KIAA1671: variants seen among roughly 807,000 people sequenced by gnomAD.
KIAA1671 encodes KIAA1671.
Under a neutral mutation model 131.2 loss-of-function variants are expected in KIAA1671, and 52 were observed. The ratio of observed to expected loss-of-function variants is 0.40; its 90% confidence interval spans 0.32 to 0.50. The LOEUF is 0.50. KIAA1671 is among the 20% of genes least tolerant of loss of function. The pLI is 0.73. For missense variants in KIAA1671, 2,360 were observed against 2,364.2 expected, an observed-to-expected ratio of 1.00 and a Z score of 0.04; for synonymous variants, 1,003 against 961.6, an observed-to-expected ratio of 1.04 and a Z score of -0.80.
chr22:25,087,463 A>G (rs555113906), intron 6 of KIAA1671, among the ~76,000 whole-genome samples: 1 of 152,088 alleles, frequency 6.6e-6, no homozygotes, highest in South Asian at 2.1e-4. Flanking sequence ...GGGCGCCTAT[A>G]ACCCAGCTAC....
chr22:25,171,862 G>A (rs190853765), intron 7 of KIAA1671, among the ~76,000 whole-genome samples: 1 of 152,282 alleles, frequency 6.6e-6, no homozygotes, highest in Non-Finnish European at 1.5e-5. Flanking sequence ...CTTTTGGGGT[G>A]ATGGAAATTT....
chr22:24,990,803 T>C (rs1019746888), intron 1 of KIAA1671, among the ~76,000 whole-genome samples: 2 of 151,922 alleles, frequency 1.3e-5, no homozygotes, highest in African/African-American at 4.8e-5. Flanking sequence ...TCTTCCCTCC[T>C]CATTTGTAGG....
At chr22:25,068,498 A>G (rs965483862) in intron 6 of KIAA1671, among the ~76,000 whole-genome samples, 9 of 151,418 alleles carry the variant, frequency 5.9e-5, no homozygotes, top group Admixed American at 1.3e-4. Context: ...GTGCAGTGGC[A>G]CGATCTCGGC....
chr22:25,174,606 C>A, intron 8 of KIAA1671, 117 bp downstream of exon 8: 1 of 1,206,322 alleles, frequency 8.3e-7, no homozygotes, highest in Non-Finnish European at 1.1e-6. Flanking sequence ...GTACGGAGGG[C>A]ACTGTCTTTG....
At chr22:25,003,827 T>C (rs1924598636) in intron 1 of KIAA1671, among the ~76,000 whole-genome samples, 1 of 151,608 alleles carries the variant, frequency 6.6e-6, no homozygotes, top group Non-Finnish European at 1.5e-5. Context: ...AAATAGAAAA[T>C]AGGATTTTTT....
rs560012637 is a variant in KIAA1671, at chr22:25,197,260, C to G, written c.*4859C>G. ...TAAAAACAAATGGGGCTTACCAGAC[C>G]TCACAGAGTATTGGACGTCTACAAG... On this transcript the variant is annotated 3_prime_UTR_variant, in exon 13 of 13. Transcript: ENST00000358431. 1.3e-5 allele frequency: 2 copies of G among 152,272 alleles called. No individual in the cohort carries two copies. The highest frequency in any genetic ancestry group is 2.9e-5 in the Non-Finnish European group (2 of 68,032). 9.4% of individuals were successfully genotyped at this position (152,272 alleles called of 1,614,324 possible).
intron 1 of KIAA1671, among the ~76,000 whole-genome samples, chr22:25,000,765 G>C (rs1047150019): frequency 6.6e-6 from 1 of 151,476 alleles, no homozygotes; most frequent in Non-Finnish European, 1.5e-5. Flanking sequence ...GAATCCGCCT[G>C]CCTCGGCCTC....
chr22:25,082,780 C>T (rs940237767), intron 6 of KIAA1671, among the ~76,000 whole-genome samples: 1 of 152,154 alleles, frequency 6.6e-6, no homozygotes, highest in Non-Finnish European at 1.5e-5. Context: ...CTGTAGTGAG[C>T]TATGGTTGTG....
rs557440017 is a variant in KIAA1671, at chr22:24,956,484, C to T, written c.-208+3712C>T. 3.9e-5 allele frequency among the ~76,000 whole-genome samples: 6 copies of T among 152,230 alleles called. No individual in the cohort carries two copies. In the South Asian group the frequency reaches 6.2e-4, roughly 16 times the overall value. On this transcript the variant is annotated intron_variant, in intron 1 of 12. Coordinates refer to ENST00000358431, the MANE Select transcript of KIAA1671 (RefSeq NM_001145206.2). ...GTGAATATTTGGGTTCAGGTTAAGC[C>T]GTAGAGAAGCAACAGAGGAAGGTGG... is the stretch of plus-strand genomic sequence containing the variant.
At chr22:25,029,679 A>C (rs370727731) in intron 3 of KIAA1671, 139 bp downstream of exon 3, 1 of 674,584 alleles carries the variant, frequency 1.5e-6, no homozygotes, top group Non-Finnish European at 2.4e-6. Flanking sequence ...GGCAGTGTCC[A>C]TTTCTCAGAT....
At chr22:25,001,706 G>A (rs1358402676) in intron 1 of KIAA1671, among the ~76,000 whole-genome samples, 1 of 152,046 alleles carries the variant, frequency 6.6e-6, no homozygotes, top group Admixed American at 6.6e-5. Context: ...GCTAACTCAC[G>A]AGTCCCTGGA....
Position 25,093,850 on chromosome 22 carries a change from C to T in KIAA1671, c.4530+44486C>T, listed in dbSNP as rs868138842. ...TCTCTCTCTGTCTGTCTCTCTCTCTCTCTCTCTCTCTCTCTCTCTCTCTCT... is the reference window on the plus strand; with the variant it reads ...TCTCTCTCTGTCTGTCTCTCTCTCTTTCTCTCTCTCTCTCTCTCTCTCTCT... On this transcript the variant is annotated intron_variant, in intron 6 of 12. Coordinates refer to ENST00000358431, the MANE Select transcript of KIAA1671 (RefSeq NM_001145206.2). 1.3e-3 allele frequency among the ~76,000 whole-genome samples: 151 copies of T among 116,822 alleles called. 6 individuals are homozygous for T. The highest frequency in any genetic ancestry group is 4.1e-3 in the Middle Eastern group (1 of 246). 76.6% of individuals were successfully genotyped at this position (116,822 alleles called of 152,430 possible). A position where few individuals can be genotyped will look rare whatever the true frequency, so the allele number is the denominator to read the frequency against.
chr22:25,141,370 C>G (rs1253870894), intron 6 of KIAA1671, among the ~76,000 whole-genome samples: 1 of 151,344 alleles, frequency 6.6e-6, no homozygotes, highest in African/African-American at 2.4e-5. Context: ...GTAGCTGGGA[C>G]TACAGGCGCC....
chr22:25,023,727 A>G, intron 1 of KIAA1671: 1 of 152,268 alleles, frequency 6.6e-6, no homozygotes, highest in Non-Finnish European at 1.5e-5. Context: ...CGGGCGGATC[A>G]CAAAGTCAGG....
At chr22:25,178,149 C>A (rs1475375612) in intron 9 of KIAA1671, among the ~76,000 whole-genome samples, 1 of 152,132 alleles carries the variant, frequency 6.6e-6, no homozygotes, top group East Asian at 1.9e-4. Flanking sequence ...TGCAGTGGTA[C>A]AAAGACAGCC....
At chr22:25,015,945 G>A (rs1925291257) in intron 1 of KIAA1671, among the ~76,000 whole-genome samples, 1 of 152,176 alleles carries the variant, frequency 6.6e-6, no homozygotes, top group Non-Finnish European at 1.5e-5. Flanking sequence ...TCATTGCGAA[G>A]TAAGAATTTG....
chr22:24,985,715 A>G (rs1183863971), intron 1 of KIAA1671, among the ~76,000 whole-genome samples: 1 of 148,294 alleles, frequency 6.7e-6, no homozygotes, highest in African/African-American at 2.5e-5. Context: ...GGAGAGGGGG[A>G]GAGAGAGAGA....
chr22:25,128,550 T>TG (rs1932287429), intron 6 of KIAA1671, among the ~76,000 whole-genome samples: 1 of 152,130 alleles, frequency 6.6e-6, no homozygotes, highest in Non-Finnish European at 1.5e-5. Context: ...AGACTGTGGG[T>TG]CTGTTGTGGT....
chr22:25,163,630 TG>T (rs1325024942), intron 6 of KIAA1671, among the ~76,000 whole-genome samples: 1 of 151,632 alleles, frequency 6.6e-6, no homozygotes, highest in Non-Finnish European at 1.5e-5. Context: ...TTAGTAGAGA[TG>T]GGGTTTCACA....
Sources: allele counts gnomAD v4.1 joint callset (sites outside exome capture counted in the v4.1 genomes callset), GRCh38; gene constraint gnomAD v4.1.1; transcripts MANE v1.5; gene names NCBI Gene and HGNC (gene_info 2026-07-23, HGNC 2026-07-21).